SRGAP2: variants seen among roughly 807,000 people sequenced by gnomAD.
SRGAP2 encodes SLIT-ROBO Rho GTPase-activating protein 2.
A neutral mutation model predicts 57.2 loss-of-function variants in SRGAP2; 15 were observed. The observed-to-expected ratio is 0.26, with a 90% CI of 0.18 to 0.40. The LOEUF (loss-of-function observed/expected upper bound fraction) is 0.40. SRGAP2 is among the 10% of genes least tolerant of loss of function. SRGAP2 has a pLI of 1.00. For synonymous variants in SRGAP2, 249 were observed against 248.0 expected (o/e 1.00, Z -0.04); for missense variants, 520 against 669.6 (o/e 0.78, Z 2.47).
intron 10 of SRGAP2, among the ~76,000 whole-genome samples, chr1:206,413,481 G>A (rs971689036): frequency 3.3e-5 from 5 of 152,258 alleles, no homozygotes; most frequent in African/African-American, 1.2e-4. Context: ...AGAAGTTCTT[G>A]TGCAAAAGCA....
intron 13 of SRGAP2, among the ~76,000 whole-genome samples, chr1:206,427,141 C>T (rs2103272707): frequency 6.6e-6 from 1 of 151,856 alleles, no homozygotes; most frequent in Admixed American, 6.6e-5. Context: ...ATTTGTTTTT[C>T]TATATGGTGA....
intron 21 of SRGAP2, 69 bp from the exon 22 acceptor site, chr1:206,458,554 C>T (rs1452106924): frequency 4.5e-6 from 3 of 673,266 alleles, no homozygotes; most frequent in African/African-American, 3.6e-5. Context: ...TCTGCCCCCT[C>T]CCACTTATCC....
intron 2 of SRGAP2, among the ~76,000 whole-genome samples, chr1:206,229,071 A>G (rs1233225617): frequency 5.9e-5 from 9 of 151,848 alleles, no homozygotes; most frequent in African/African-American, 1.5e-4. Flanking sequence ...GATGAGAGGT[A>G]GGGTTGACGT....
rs1296990604 is a variant in SRGAP2 at position 206,335,052 on chromosome 1, A to T, written c.261-7794A>T. 4.7e-5 allele frequency among the ~76,000 whole-genome samples: 7 copies of T among 150,050 alleles called. No homozygotes were observed. In the East Asian group the frequency reaches 1.4e-3, roughly 29 times the overall value. On this transcript the variant is annotated intron_variant, in intron 3 of 22. Transcript: ENST00000573034. ...TTAAGCTGAGAAACGTATAAATTTT[A>T]TGTTCCTCGGTCATTGATCACACCT...
intron 2 of SRGAP2, among the ~76,000 whole-genome samples, chr1:206,227,750 AG>A (rs1667366003): frequency 6.6e-6 from 1 of 151,262 alleles, no homozygotes; most frequent in African/African-American, 2.4e-5. Flanking sequence ...TACTCTAATC[AG>A]GGCAGTCGAA....
At chr1:206,449,289 T>TTTTTG (rs1663044910) in intron 18 of SRGAP2, among the ~76,000 whole-genome samples, 6 of 141,322 alleles carry the variant, frequency 4.2e-5, no homozygotes, top group Non-Finnish European at 7.9e-5. Flanking sequence ...CTGGATGATT[T>TTTTTG]TTTTTTTTTT....
intron 3 of SRGAP2, among the ~76,000 whole-genome samples, chr1:206,323,322 CAGG>C (rs1364325904): frequency 6.6e-6 from 1 of 152,298 alleles, no homozygotes; most frequent in African/African-American, 2.4e-5. Flanking sequence ...GGAGCAGATT[CAGG>C]AGAAGTGAGA....
Position 206,461,486 on chromosome 1 carries a change from A to T in SRGAP2, c.*66A>T, listed in dbSNP as rs868938568. On this transcript the variant is annotated 3_prime_UTR_variant, in exon 23 of 23. Coordinates refer to ENST00000573034, the MANE Select transcript of SRGAP2 (RefSeq NM_015326.5). ...GACTGACTGTTATTAAAATCTTCCTATTTAACTAGCTTGGGGACTTCAGTT... is the reference window on the plus strand; with the variant it reads ...GACTGACTGTTATTAAAATCTTCCTTTTTAACTAGCTTGGGGACTTCAGTT... 43 of 665,952 alleles carry T rather than the reference A, an allele frequency of 6.5e-5. No individual in the cohort carries two copies. The Middle Eastern group carries it at 5.8e-3, about 90-fold the overall frequency. The allele number at this position is 665,952 out of a possible 1,614,324, so 41.3% of individuals were successfully genotyped here.
chr1:206,366,300 T>C (rs1300590548), intron 4 of SRGAP2, among the ~76,000 whole-genome samples: 2 of 152,242 alleles, frequency 1.3e-5, no homozygotes, highest in Non-Finnish European at 1.5e-5. Flanking sequence ...AATGCGGAAC[T>C]GATGAGTCCA....
At position 206,454,604 on chromosome 1, in the gene SRGAP2, T is replaced by C. The variant is rs1663653658; in HGVS notation, c.2361-274T>C. On this transcript the variant is annotated intron_variant, in intron 20 of 22. Transcript: ENST00000573034. The surrounding 1 kb of genome is among the most constrained non-coding windows in gnomAD (Gnocchi z 4.3). ...GAAGCAGCATGGGGTAGAAGGCAGA[T>C]GCCTCGAATCCAGGTGTCCCCTAGC... The C allele has an allele frequency of 2.2e-6, 1 of 454,140 alleles. No homozygotes were observed. Among genetic ancestry groups the C allele is most frequent in the Non-Finnish European group, 3.9e-6 (1 of 256,848 alleles). 28.1% of individuals were successfully genotyped at this position (454,140 alleles called of 1,614,324 possible). A position where few individuals can be genotyped will look rare whatever the true frequency, so the allele number is the denominator to read the frequency against.
intron 2 of SRGAP2, among the ~76,000 whole-genome samples, chr1:206,276,885 C>T (rs1394120210): frequency 1.3e-5 from 2 of 152,030 alleles, no homozygotes; most frequent in Non-Finnish European, 2.9e-5. Flanking sequence ...GTATTTGCTG[C>T]CTAGTCCTGT....
At chr1:206,439,501 T>C (rs1243983536) in intron 16 of SRGAP2, among the ~76,000 whole-genome samples, 1 of 151,752 alleles carries the variant, frequency 6.6e-6, no homozygotes, top group African/African-American at 2.4e-5. Context: ...AAGTAGGCCC[T>C]TTGAGGCTTT....
At chr1:206,393,416 T>A in intron 6 of SRGAP2, 129 bp from the exon 7 acceptor site, 1 of 562,872 alleles carries the variant, frequency 1.8e-6, no homozygotes, top group Non-Finnish European at 3.2e-6. Flanking sequence ...TAGAACCCAA[T>A]TTAAGGCAGA....
At chr1:206,439,846 G>T in intron 16 of SRGAP2, 130 bp from the exon 17 acceptor site, 1 of 641,910 alleles carries the variant, frequency 1.6e-6, no homozygotes, top group Non-Finnish European at 2.8e-6. Context: ...TCCTGTCACT[G>T]CACCAGTGCT....
intron 13 of SRGAP2, among the ~76,000 whole-genome samples, chr1:206,423,314 A>G (rs938567012): frequency 6.6e-6 from 1 of 152,114 alleles, no homozygotes; most frequent in African/African-American, 2.4e-5. Context: ...ATGTCTCTCT[A>G]TATTCTTTCC....
intron 10 of SRGAP2, among the ~76,000 whole-genome samples, chr1:206,410,229 G>T (rs12092084): frequency 0.046 from 7,026 of 152,284 alleles, 394 homozygotes; most frequent in African/African-American, 0.13. Flanking sequence ...AGAAGCAGAG[G>T]TGAAGGGAAG....
intron 3 of SRGAP2, among the ~76,000 whole-genome samples, chr1:206,304,552 T>A (rs1672077333): frequency 6.6e-6 from 1 of 152,208 alleles, no homozygotes; most frequent in Admixed American, 6.5e-5. Context: ...TTTACAAATT[T>A]CCATTGGGCT....
At chr1:206,452,183 G>A (rs988058333) in intron 19 of SRGAP2, among the ~76,000 whole-genome samples, 3 of 152,116 alleles carry the variant, frequency 2.0e-5, no homozygotes, top group East Asian at 1.9e-4. Context: ...AAAAAGACAC[G>A]ATTATTAATC....
At chr1:206,225,349 G>A (rs1667214932) in intron 2 of SRGAP2, among the ~76,000 whole-genome samples, 1 of 150,616 alleles carries the variant, frequency 6.6e-6, no homozygotes, top group South Asian at 2.1e-4. Flanking sequence ...ACTAAGATGG[G>A]AAGATGAGCT....
Sources: gnomAD v4.1 joint callset for allele counts (sites outside exome capture counted in the v4.1 genomes callset) on GRCh38, gnomAD v4.1.1 for gene constraint, Gnocchi (gnomAD v3.1) non-coding constraint, MANE v1.5 for transcripts, NCBI Gene and HGNC (gene_info 2026-07-23, HGNC 2026-07-21) for gene names.